PRKN: variants seen among roughly 807,000 people sequenced by gnomAD.
The protein encoded by PRKN is parkin RBR E3 ubiquitin protein ligase.
In PRKN, 56 loss-of-function variants were observed where a neutral mutation model predicts 59.5. That is an observed-to-expected ratio of 0.94 (90% CI 0.76 to 1.18). The LOEUF is 1.18. PRKN is among the 50% of genes most tolerant of loss of function. The pLI, the probability that PRKN is intolerant of heterozygous loss-of-function variation, is 0.00. For synonymous variants in PRKN, 250 were observed against 222.1 expected (o/e 1.13, Z -1.12); for missense variants, 657 against 596.4 (o/e 1.10, Z -1.06).
chr6:162,028,149 T>C (rs535757356), intron 5 of PRKN, among the ~76,000 whole-genome samples: 45 of 152,270 alleles, frequency 3.0e-4, no homozygotes, highest in East Asian at 1.3e-3. Context: ...AGCCAGGTGT[T>C]ATAAAAACTT....
intron 1 of PRKN, among the ~76,000 whole-genome samples, chr6:162,679,510 T>C (rs1425508234): frequency 6.6e-6 from 1 of 152,224 alleles, no homozygotes; most frequent in Non-Finnish European, 1.5e-5. Flanking sequence ...TCTTTGACTA[T>C]TTCAAGGTCA....
intron 6 of PRKN, among the ~76,000 whole-genome samples, chr6:161,810,765 G>C (rs1791526201): frequency 6.6e-6 from 1 of 152,104 alleles, no homozygotes; most frequent in African/African-American, 2.4e-5. Context: ...CTAGGCATTG[G>C]AAAAATCAAA....
chr6:162,365,012 G>A (rs1163953068), intron 2 of PRKN, among the ~76,000 whole-genome samples: 1 of 145,518 alleles, frequency 6.9e-6, no homozygotes, highest in African/African-American at 2.6e-5. Context: ...ATGTAGTGTG[G>A]GATTTTCTTT....
chr6:162,007,568 A>G (rs1782304668), intron 5 of PRKN, among the ~76,000 whole-genome samples: 1 of 152,160 alleles, frequency 6.6e-6, no homozygotes, highest in Admixed American at 6.6e-5. Context: ...TACCACTTAA[A>G]CCGTTGATGG....
intron 7 of PRKN, among the ~76,000 whole-genome samples, chr6:161,767,105 A>G (rs1789455845): frequency 1.3e-5 from 2 of 152,228 alleles, no homozygotes; most frequent in Non-Finnish European, 2.9e-5. Context: ...CACGACTTAT[A>G]GTTCAGTACT....
At chr6:161,387,277 C>T (rs761474588) in intron 9 of PRKN, among the ~76,000 whole-genome samples, 3 of 152,186 alleles carry the variant, frequency 2.0e-5, no homozygotes, top group African/African-American at 4.8e-5. Context: ...CCATGCTATT[C>T]TTGTGATAGT....
In PRKN at chr6:161,693,106, T is replaced by TA. The variant is rs751499159; in HGVS notation, c.871+92665dup. ...TCATAAAAATAGATGTCTTTAGAATTAAAAAAACACATAAACATAAAAAGG... is the reference window on the plus strand; with the variant it reads ...TCATAAAAATAGATGTCTTTAGAATTAAAAAAAACACATAAACATAAAAAGG... On this transcript the variant is annotated intron_variant, in intron 7 of 11. Coordinates refer to ENST00000366898, the MANE Select transcript of PRKN (RefSeq NM_004562.3). 1.4e-3 allele frequency among the ~76,000 whole-genome samples: 208 copies of TA among 152,124 alleles called. 1 individual carries two copies. Among genetic ancestry groups the TA allele is most frequent in the Non-Finnish European group, 2.1e-3 (141 of 67,994 alleles).
At chr6:162,179,614 A>G (rs1196513508) in intron 4 of PRKN, among the ~76,000 whole-genome samples, 1 of 152,156 alleles carries the variant, frequency 6.6e-6, no homozygotes, top group African/African-American at 2.4e-5. Flanking sequence ...TGTCTAGAGG[A>G]GCGTATACAT....
chr6:162,229,413 AC>A (rs1016622186), intron 3 of PRKN, among the ~76,000 whole-genome samples: 3 of 152,190 alleles, frequency 2.0e-5, no homozygotes, highest in African/African-American at 7.2e-5. Context: ...CACAAGCGTC[AC>A]CCACGCAAGC....
At chr6:161,981,849 A>G (rs1781269558) in intron 5 of PRKN, among the ~76,000 whole-genome samples, 1 of 152,246 alleles carries the variant, frequency 6.6e-6, no homozygotes, top group African/African-American at 2.4e-5. Flanking sequence ...AAAGTTAATG[A>G]GTCTATCACC....
chr6:161,717,274 G>A (rs913254160), intron 7 of PRKN, among the ~76,000 whole-genome samples: 11 of 152,158 alleles, frequency 7.2e-5, no homozygotes, highest in South Asian at 6.2e-4. Context: ...GAATGCGGAC[G>A]GGCAAGAGGA....
At chr6:162,595,175 A>G (rs560863710) in intron 1 of PRKN, among the ~76,000 whole-genome samples, 14 of 152,312 alleles carry the variant, frequency 9.2e-5, no homozygotes, top group African/African-American at 3.4e-4. Context: ...TTCTGTCTCA[A>G]AAAAGAAAAT....
intron 2 of PRKN, among the ~76,000 whole-genome samples, chr6:162,418,534 T>C (rs1453417739): frequency 2.0e-5 from 3 of 151,714 alleles, no homozygotes; most frequent in African/African-American, 7.3e-5. Context: ...CTCAAAGAGA[T>C]TGCAGAACAA....
chr6:162,235,902 A>AAAGGAAAG (rs1778641683), intron 3 of PRKN, among the ~76,000 whole-genome samples: 1 of 73,326 alleles, frequency 1.4e-5, no homozygotes, highest in Admixed American at 1.5e-4. Context: ...AGAAAGAAGG[A>AAAGGAAAG]AAGGAAGGAA....
intron 9 of PRKN, among the ~76,000 whole-genome samples, chr6:161,537,667 G>C (rs1254455668): frequency 2.6e-5 from 4 of 152,074 alleles, no homozygotes; most frequent in Non-Finnish European, 5.9e-5. Flanking sequence ...TAGCCTGGAT[G>C]GTCTCGATCT....
At chr6:162,046,588 C>T (rs1256688098) in intron 5 of PRKN, among the ~76,000 whole-genome samples, 1 of 152,166 alleles carries the variant, frequency 6.6e-6, no homozygotes, top group Non-Finnish European at 1.5e-5. Context: ...GGTTCTGGCA[C>T]CTGGTTTTCT....
intron 6 of PRKN, among the ~76,000 whole-genome samples, chr6:161,966,086 AC>A: frequency 6.6e-6 from 1 of 152,212 alleles, no homozygotes; most frequent in South Asian, 2.1e-4. Flanking sequence ...ATTTCAAGAT[AC>A]AGCAAAGAAA....
intron 2 of PRKN, chr6:162,263,366 C>T (rs78061074): frequency 0.02 from 3,546 of 177,726 alleles, 135 homozygotes; most frequent in African/African-American, 0.081. Context: ...TTTAAAGCAT[C>T]GGAAATGAAT....
chr6:162,380,225 G>T (rs1786355323), intron 2 of PRKN, among the ~76,000 whole-genome samples: 1 of 151,750 alleles, frequency 6.6e-6, no homozygotes. Flanking sequence ...AAGTAAATTT[G>T]AAATCAAGTA....
Sources: gnomAD v4.1 joint callset for allele counts (sites outside exome capture counted in the v4.1 genomes callset) on GRCh38, gnomAD v4.1.1 for gene constraint, MANE v1.5 for transcripts, NCBI Gene and HGNC (gene_info 2026-07-23, HGNC 2026-07-21) for gene names.